ZNF804B: variants seen among roughly 807,000 people sequenced by gnomAD.
The protein encoded by ZNF804B is zinc finger 804B.
A neutral mutation model predicts 101.4 loss-of-function variants in ZNF804B; 80 were observed. The ratio of observed to expected loss-of-function variants is 0.79; its 90% CI spans 0.66 to 0.95. ZNF804B has a LOEUF of 0.95. ZNF804B is among the 40% of genes least tolerant of loss of function. The probability of loss-of-function intolerance (pLI) is 0.00; values close to 1 mark genes in which losing one functional copy is unlikely to be tolerated. For missense variants in ZNF804B, 1,673 were observed against 1,561.9 expected, an observed-to-expected ratio of 1.07 and a Z score of -1.20; for synonymous variants, 622 against 558.8, an observed-to-expected ratio of 1.11 and a Z score of -1.59.
At position 89,334,962 on chromosome 7, in the gene ZNF804B, T is replaced by G. The variant is rs1490928486; in HGVS notation, c.1980T>G (p.Pro660=). The G allele has an allele frequency of 1.2e-6, 2 of 1,613,820 alleles. No individual in the cohort carries two copies. The highest frequency in any genetic ancestry group is 2.7e-5 in the African/African-American group (2 of 74,908). The change falls in exon 4 of 4, where the codon CCT becomes CCG. Residue 660 remains proline (P), a synonymous_variant. Transcript: ENST00000333190. ...GACAATTCAACTGCAAGTCCAGTCCTTGTACAGTAGGGGGTCACAGTGACC... is the reference window on the plus strand; with the variant it reads ...GACAATTCAACTGCAAGTCCAGTCCGTGTACAGTAGGGGGTCACAGTGACC... ...DERQFNCKSS[P]CTVGGHSDHG...
At chr7:88,876,665 G>A (rs1339633557) in intron 1 of ZNF804B, among the ~76,000 whole-genome samples, 1 of 151,856 alleles carries the variant, frequency 6.6e-6, no homozygotes, top group East Asian at 1.9e-4. Context: ...TTGCTGTTAA[G>A]TTCATGTGTT....
intron 2 of ZNF804B, among the ~76,000 whole-genome samples, chr7:89,323,912 T>C (rs1003590474): frequency 6.6e-6 from 1 of 152,084 alleles, no homozygotes; most frequent in Non-Finnish European, 1.5e-5. Flanking sequence ...CTGACAATCA[T>C]TGTATGTGCC....
At chr7:89,171,211 A>G (rs1227560386) in intron 1 of ZNF804B, among the ~76,000 whole-genome samples, 1 of 152,178 alleles carries the variant, frequency 6.6e-6, no homozygotes, top group Non-Finnish European at 1.5e-5. Context: ...CAAAGTATTC[A>G]TTAGGGCATT....
chr7:88,767,386 A>G, intron 1 of ZNF804B, among the ~76,000 whole-genome samples: 1 of 152,224 alleles, frequency 6.6e-6, no homozygotes, highest in East Asian at 1.9e-4. Flanking sequence ...CCAGACAAAT[A>G]CAGTCAGCTT....
chr7:88,863,517 G>A (rs946972725), intron 1 of ZNF804B, among the ~76,000 whole-genome samples: 3 of 152,052 alleles, frequency 2.0e-5, no homozygotes, highest in African/African-American at 7.2e-5. Flanking sequence ...AGACAAAGAA[G>A]CCCTATTTTT....
chr7:89,061,349 G>C (rs1789376104), intron 1 of ZNF804B, among the ~76,000 whole-genome samples: 1 of 151,834 alleles, frequency 6.6e-6, no homozygotes, highest in African/African-American at 2.4e-5. Context: ...TATGGTGTTT[G>C]GAATTATATC....
At chr7:88,763,867 T>G (rs564494880) in intron 1 of ZNF804B, among the ~76,000 whole-genome samples, 16 of 152,274 alleles carry the variant, frequency 1.1e-4, no homozygotes, top group African/African-American at 3.6e-4. Flanking sequence ...ATATTAATGG[T>G]AAAACTTTGT....
At chr7:89,182,198 T>A (rs1375686877) in intron 1 of ZNF804B, among the ~76,000 whole-genome samples, 1 of 152,192 alleles carries the variant, frequency 6.6e-6, no homozygotes, top group African/African-American at 2.4e-5. Flanking sequence ...AGCATAGTAT[T>A]GTGGATATAA....
At chr7:89,045,334 A>G (rs1288345002) in intron 1 of ZNF804B, among the ~76,000 whole-genome samples, 1 of 152,198 alleles carries the variant, frequency 6.6e-6, no homozygotes, top group Non-Finnish European at 1.5e-5. Context: ...TGTGGAGGGG[A>G]AATGTGGGGT....
intron 1 of ZNF804B, among the ~76,000 whole-genome samples, chr7:88,861,691 T>C (rs1207150994): frequency 6.6e-6 from 1 of 152,144 alleles, no homozygotes; most frequent in Non-Finnish European, 1.5e-5. Flanking sequence ...GCACTTACTC[T>C]TTACAGTTTC....
intron 2 of ZNF804B, among the ~76,000 whole-genome samples, chr7:89,313,789 G>T (rs377095531): frequency 2.0e-5 from 3 of 152,138 alleles, no homozygotes; most frequent in East Asian, 1.9e-4. Context: ...GAAAAGTGGA[G>T]AGGATATGTG....
At chr7:88,985,113 C>G (rs770417485) in intron 1 of ZNF804B, among the ~76,000 whole-genome samples, 1 of 151,858 alleles carries the variant, frequency 6.6e-6, no homozygotes, top group Non-Finnish European at 1.5e-5. Flanking sequence ...CTGACTGTAT[C>G]TATTTTAGAA....
At chr7:89,242,073 A>C (rs1342958678) in intron 2 of ZNF804B, among the ~76,000 whole-genome samples, 1 of 151,886 alleles carries the variant, frequency 6.6e-6, no homozygotes. Flanking sequence ...CATAGCTTTT[A>C]ATATTTATTT....
intron 2 of ZNF804B, among the ~76,000 whole-genome samples, chr7:89,320,055 G>T (rs1008357290): frequency 7.9e-5 from 12 of 151,094 alleles, no homozygotes; most frequent in African/African-American, 2.2e-4. Context: ...AAATGGGGTG[G>T]GGGGCTAGGG....
intron 2 of ZNF804B, among the ~76,000 whole-genome samples, chr7:89,288,847 A>G (rs750417560): frequency 2.0e-5 from 3 of 152,234 alleles, no homozygotes; most frequent in Non-Finnish European, 2.9e-5. Context: ...TGGTAAATAT[A>G]AAAGATGATT....
intron 1 of ZNF804B, among the ~76,000 whole-genome samples, chr7:88,987,449 A>G (rs1793773649): frequency 6.6e-6 from 1 of 152,146 alleles, no homozygotes; most frequent in Non-Finnish European, 1.5e-5. Context: ...GTAAAGAATC[A>G]TTAGTCTCTC....
At chr7:89,266,993 A>T (rs1034097476) in intron 2 of ZNF804B, among the ~76,000 whole-genome samples, 55 of 152,198 alleles carry the variant, frequency 3.6e-4, no homozygotes, top group Non-Finnish European at 6.0e-4. Flanking sequence ...GTGCTACTAA[A>T]TTGGGAACAT....
chr7:88,760,903 T>TATATATATAATAA (rs1562786490), intron 1 of ZNF804B, among the ~76,000 whole-genome samples: 2 of 67,556 alleles, frequency 3.0e-5, no homozygotes, highest in African/African-American at 9.6e-5. Flanking sequence ...ATATAATAAA[T>TATATATATAATAA]ATATATATAA....
chr7:88,889,132 T>A (rs1792178238), intron 1 of ZNF804B, among the ~76,000 whole-genome samples: 1 of 152,236 alleles, frequency 6.6e-6, no homozygotes, highest in Non-Finnish European at 1.5e-5. Flanking sequence ...TTCTTTTTTA[T>A]GACTACATAG....
Sources: allele counts gnomAD v4.1 joint callset (sites outside exome capture counted in the v4.1 genomes callset), GRCh38; gene constraint gnomAD v4.1.1; transcripts MANE v1.5; gene names NCBI Gene and HGNC (gene_info 2026-07-23, HGNC 2026-07-21).